Variants in FOXP1 observed in about 807,000 individuals in gnomAD.
The protein encoded by FOXP1 is forkhead box protein P1.
In FOXP1, 15 loss-of-function variants were observed where a neutral mutation model predicts 98.2. That is an observed-to-expected ratio of 0.15 (90% CI 0.10 to 0.24). The LOEUF (loss-of-function observed/expected upper bound fraction) is 0.24. Ranked by LOEUF, FOXP1 falls within the 10% of genes least tolerant of loss-of-function variation. The pLI, the probability that FOXP1 is intolerant of heterozygous loss-of-function variation, is 1.00. For synonymous variants in FOXP1, 371 were observed against 314.5 expected, an observed-to-expected ratio of 1.18 and a Z score of -1.90; for missense variants, 633 against 848.5, an observed-to-expected ratio of 0.75 and a Z score of 3.15.
At chr3:71,238,275 G>T (rs2066961695) in intron 5 of FOXP1, among the ~76,000 whole-genome samples, 1 of 152,196 alleles carries the variant, frequency 6.6e-6, no homozygotes, top group Non-Finnish European at 1.5e-5. Context: ...CAATCCGAGT[G>T]AATGTCTGCT....
intron 2 of FOXP1, among the ~76,000 whole-genome samples, chr3:71,561,022 A>C (rs1204747297): frequency 6.6e-6 from 1 of 152,118 alleles, no homozygotes; most frequent in Admixed American, 6.5e-5. Flanking sequence ...CAACTATGTG[A>C]ATATACTAAA....
chr3:71,512,770 G>C (rs565444006), intron 2 of FOXP1, among the ~76,000 whole-genome samples: 6 of 152,186 alleles, frequency 3.9e-5, no homozygotes, highest in African/African-American at 9.7e-5. Flanking sequence ...ACATCCTGGT[G>C]CCGTCATCTC....
At chr3:71,199,285 A>G (rs1560104474) in intron 5 of FOXP1, among the ~76,000 whole-genome samples, 1 of 151,642 alleles carries the variant, frequency 6.6e-6, no homozygotes, top group Non-Finnish European at 1.5e-5. Context: ...TTGTATTTTT[A>G]GTAGAGACAG....
intron 4 of FOXP1, among the ~76,000 whole-genome samples, chr3:71,354,821 A>G (rs997108767): frequency 6.6e-6 from 1 of 152,194 alleles, no homozygotes; most frequent in African/African-American, 2.4e-5. Flanking sequence ...TAATCCTCGC[A>G]ATAGCTCAGT....
intron 7 of FOXP1, among the ~76,000 whole-genome samples, chr3:71,067,927 A>C (rs1287149300): frequency 7.4e-6 from 1 of 135,764 alleles, no homozygotes; most frequent in Non-Finnish European, 1.6e-5. Flanking sequence ...AAAAATAAAA[A>C]ATAAAATAAA....
chr3:71,483,451 GC>G (rs2090432458), intron 3 of FOXP1, among the ~76,000 whole-genome samples: 2 of 152,150 alleles, frequency 1.3e-5, no homozygotes, highest in Admixed American at 1.3e-4. Flanking sequence ...CCAGACTGGG[GC>G]TTGGCAAACT....
At chr3:71,100,668 A>T (rs1273180421) in intron 7 of FOXP1, among the ~76,000 whole-genome samples, 4 of 152,216 alleles carry the variant, frequency 2.6e-5, no homozygotes, top group Non-Finnish European at 5.9e-5. Flanking sequence ...TCTTCTCTCT[A>T]AACAGCAGGC....
intron 5 of FOXP1, among the ~76,000 whole-genome samples, chr3:71,253,760 C>T (rs1206601653): frequency 6.6e-6 from 1 of 152,046 alleles, no homozygotes; most frequent in Admixed American, 6.5e-5. Flanking sequence ...CTTCAATGGA[C>T]ATATGACCAC....
At chr3:71,282,195 A>G (rs575839910) in intron 5 of FOXP1, among the ~76,000 whole-genome samples, 1 of 152,304 alleles carries the variant, frequency 6.6e-6, no homozygotes, top group African/African-American at 2.4e-5. Context: ...CACGTAAGAA[A>G]TGAGCAGAAG....
chr3:71,234,524 G>A (rs1022491739), intron 5 of FOXP1, among the ~76,000 whole-genome samples: 6 of 152,174 alleles, frequency 3.9e-5, no homozygotes, highest in African/African-American at 1.2e-4. Flanking sequence ...AGAAAGTTTC[G>A]TCACCCCAAG....
chr3:71,421,384 A>C (rs944531697), intron 3 of FOXP1, among the ~76,000 whole-genome samples: 1 of 152,258 alleles, frequency 6.6e-6, no homozygotes, highest in African/African-American at 2.4e-5. Flanking sequence ...GAAAAAAAGA[A>C]TAAAGTTGCA....
At chr3:71,491,761 T>C (rs1012515118) in intron 3 of FOXP1, among the ~76,000 whole-genome samples, 11 of 152,334 alleles carry the variant, frequency 7.2e-5, no homozygotes, top group African/African-American at 2.6e-4. Context: ...TGCTTCACTA[T>C]GAACACAGTT....
At chr3:71,140,604 T>C (rs1444830853) in intron 6 of FOXP1, among the ~76,000 whole-genome samples, 1 of 152,230 alleles carries the variant, frequency 6.6e-6, no homozygotes, top group Admixed American at 6.5e-5. Context: ...TTCGCTATCC[T>C]TCCAATGACT....
At chr3:71,210,393 T>C (rs867520958) in intron 5 of FOXP1, among the ~76,000 whole-genome samples, 98 of 152,194 alleles carry the variant, frequency 6.4e-4, no homozygotes, top group African/African-American at 2.3e-3. Flanking sequence ...CAAATCAACA[T>C]AGTCCCTGAG....
intron 3 of FOXP1, among the ~76,000 whole-genome samples, chr3:71,425,242 C>T (rs146527072): frequency 3.3e-5 from 5 of 152,156 alleles, no homozygotes; most frequent in South Asian, 2.1e-4. Flanking sequence ...CAGCCTCCTG[C>T]GTAGCTGGGA....
At chr3:71,028,663 G>A (rs906447249) in intron 11 of FOXP1, among the ~76,000 whole-genome samples, 10 of 152,118 alleles carry the variant, frequency 6.6e-5, no homozygotes, top group South Asian at 2.1e-4. Flanking sequence ...GAATAGTTTC[G>A]GGATGATTCA....
intron 2 of FOXP1, among the ~76,000 whole-genome samples, chr3:71,554,210 C>T (rs73094902): frequency 0.28 from 42,776 of 151,886 alleles, 7,455 homozygotes; most frequent in Non-Finnish European, 0.39. Flanking sequence ...AGAAATTAGG[C>T]AGGCATGGTG....
intron 6 of FOXP1, among the ~76,000 whole-genome samples, chr3:71,164,117 G>A (rs2061284286): frequency 6.6e-6 from 1 of 152,212 alleles, no homozygotes. Flanking sequence ...TATATAATCA[G>A]ATGGTTTCTC....
chr3:71,524,071 C>T (rs2043185766), intron 2 of FOXP1, among the ~76,000 whole-genome samples: 1 of 152,168 alleles, frequency 6.6e-6, no homozygotes, highest in Non-Finnish European at 1.5e-5. Context: ...AACCTCAATT[C>T]AGTGAGTGAC....
Sources: allele counts gnomAD v4.1 joint callset (sites outside exome capture counted in the v4.1 genomes callset), GRCh38; gene constraint gnomAD v4.1.1; transcripts MANE v1.5; gene names NCBI Gene and HGNC (gene_info 2026-07-23, HGNC 2026-07-21).